The following COL22A1 variants were observed in gnomAD, a reference collection of about 807,000 sequenced individuals.
COL22A1 encodes collagen type XXII alpha 1 chain, also known as collagen alpha-1(XXII) chain.
A neutral mutation model predicts 248.9 loss-of-function variants in COL22A1; 221 were observed. The ratio of observed to expected loss-of-function variants is 0.89; its 90% CI spans 0.80 to 0.99. The LOEUF (loss-of-function observed/expected upper bound fraction) is 0.99, where lower values mean the gene tolerates loss of function less well. Among genes scored for constraint, COL22A1 ranks in the 50% least tolerant of loss-of-function variants. The pLI, the probability that COL22A1 is intolerant of heterozygous loss-of-function variation, is 0.00. For missense variants in COL22A1, 2,240 were observed against 2,179.0 expected (o/e 1.03, Z -0.56); for synonymous variants, 891 against 793.4 (o/e 1.12, Z -2.07).
rs766221888 is a variant in COL22A1, at chr8:138,821,181, G to T, written c.1200C>A (p.Gly400=). The change falls in exon 7 of 65, where the codon GGC becomes GGA. Residue 400 remains glycine (G), a synonymous_variant. Coordinates refer to ENST00000303045, the MANE Select transcript of COL22A1 (RefSeq NM_152888.3). ...AGAGGCGCTTGCCAATCACAGTCTT[G>T]CCCTGGATGTCAATGTTCTCCCGTT... ...IEERENIDIQ[G]KTVIGKRLYD... 7.4e-6 allele frequency: 12 copies of T among 1,614,150 alleles called. No homozygotes were observed. The Admixed American group carries it at 1.8e-4, about 25-fold the overall frequency.
intron 2 of COL22A1, among the ~76,000 whole-genome samples, chr8:138,882,583 C>T (rs199528380): frequency 7.2e-4 from 104 of 143,746 alleles, no homozygotes; most frequent in African/African-American, 2.1e-3. Flanking sequence ...CTCCCACACA[C>T]TGTCAAACTC....
intron 58 of COL22A1, among the ~76,000 whole-genome samples, chr8:138,605,685 C>G (rs1234449434): frequency 1.3e-5 from 2 of 152,128 alleles, no homozygotes; most frequent in African/African-American, 4.8e-5. Context: ...TTCATCAGGT[C>G]AGCAGTCCAG....
At chr8:138,824,818 C>T (rs1242239150) in intron 6 of COL22A1, among the ~76,000 whole-genome samples, 1 of 152,224 alleles carries the variant, frequency 6.6e-6, no homozygotes, top group Non-Finnish European at 1.5e-5. Flanking sequence ...ATCATTGGCA[C>T]TTCTGGTGAC....
chr8:138,634,589 C>T (rs1445391964), intron 49 of COL22A1, among the ~76,000 whole-genome samples: 1 of 152,140 alleles, frequency 6.6e-6, no homozygotes, highest in Non-Finnish European at 1.5e-5. Flanking sequence ...AGAACATTTG[C>T]TCAGGGGGCC....
intron 31 of COL22A1, among the ~76,000 whole-genome samples, chr8:138,701,041 T>G (rs563993564): frequency 6.7e-6 from 1 of 149,168 alleles, no homozygotes; most frequent in African/African-American, 2.5e-5. Context: ...TTTCTCCAGC[T>G]TCAAAGCTTT....
At chr8:138,829,497 G>A (rs773110459) in intron 5 of COL22A1, among the ~76,000 whole-genome samples, 6 of 131,018 alleles carry the variant, frequency 4.6e-5, no homozygotes, top group East Asian at 5.4e-4. Flanking sequence ...ACTGCCTCCC[G>A]GGCTCAACCA....
chr8:138,665,059 G>T (rs1824374995), intron 41 of COL22A1, among the ~76,000 whole-genome samples: 3 of 152,054 alleles, frequency 2.0e-5, no homozygotes, highest in Non-Finnish European at 2.9e-5. Flanking sequence ...TAGTGTCAGG[G>T]GTAACCTAAA....
At chr8:138,665,372 T>C (rs1369603621) in intron 41 of COL22A1, among the ~76,000 whole-genome samples, 3 of 152,132 alleles carry the variant, frequency 2.0e-5, no homozygotes, top group Admixed American at 6.5e-5. Flanking sequence ...GCTTTTTCTG[T>C]AAAGGGACAG....
At chr8:138,692,210 AGG>A (rs1827077479) in intron 35 of COL22A1, among the ~76,000 whole-genome samples, 31 of 104,846 alleles carry the variant, frequency 3.0e-4, no homozygotes, top group African/African-American at 9.7e-4. Flanking sequence ...ATGTTTGTGG[AGG>A]TGTATGTGTG....
chr8:138,653,187 G>A (rs1822918306), intron 45 of COL22A1, among the ~76,000 whole-genome samples: 1 of 152,106 alleles, frequency 6.6e-6, no homozygotes, highest in Non-Finnish European at 1.5e-5. Flanking sequence ...TCCCAGGAGA[G>A]GAAATGACCT....
intron 51 of COL22A1, 34 bp downstream of exon 51, chr8:138,626,155 GT>G: frequency 1.3e-6 from 2 of 1,535,178 alleles, no homozygotes; most frequent in Non-Finnish European, 1.8e-6. Flanking sequence ...AAACTAGTTT[GT>G]TTTTGTTTGT....
At chr8:138,653,476 A>T (rs761222432) in intron 45 of COL22A1, among the ~76,000 whole-genome samples, 5 of 152,190 alleles carry the variant, frequency 3.3e-5, no homozygotes, top group Admixed American at 1.3e-4. Flanking sequence ...TGTCTTGCCC[A>T]TCTATGCTTA....
intron 1 of COL22A1, among the ~76,000 whole-genome samples, chr8:138,899,856 A>G (rs1390199019): frequency 6.6e-6 from 1 of 152,208 alleles, no homozygotes; most frequent in African/African-American, 2.4e-5. Context: ...CTTACCTATC[A>G]TGATCCCTGA....
chr8:138,691,505 A>G (rs919337341), intron 35 of COL22A1, among the ~76,000 whole-genome samples: 20 of 68,040 alleles, frequency 2.9e-4, no homozygotes, highest in African/African-American at 1.0e-3. Flanking sequence ...GTGCACGTCC[A>G]TGTGTGCATA....
intron 1 of COL22A1, among the ~76,000 whole-genome samples, chr8:138,906,995 C>T (rs886708408): frequency 2.0e-5 from 3 of 152,160 alleles, no homozygotes; most frequent in African/African-American, 7.2e-5. Context: ...TCTTTTCTTC[C>T]AAGAAATGGC....
intron 57 of COL22A1, 148 bp downstream of exon 57, chr8:138,607,788 C>T: frequency 1.5e-6 from 1 of 652,620 alleles, no homozygotes; most frequent in South Asian, 2.3e-5. Flanking sequence ...CCTATGGAGC[C>T]TCTTACCTCC....
chr8:138,730,050 G>A (rs1830595973), intron 23 of COL22A1, among the ~76,000 whole-genome samples: 1 of 152,166 alleles, frequency 6.6e-6, no homozygotes. Context: ...TTCTACTTTG[G>A]CACTCCCCCA....
At chr8:138,842,223 G>A (rs1041711846) in intron 4 of COL22A1, among the ~76,000 whole-genome samples, 1 of 152,174 alleles carries the variant, frequency 6.6e-6, no homozygotes, top group Non-Finnish European at 1.5e-5. Context: ...AACATATAGA[G>A]GAGTGCATCT....
chr8:138,703,461 C>A, intron 30 of COL22A1, 114 bp from the exon 31 acceptor site: 2 of 957,976 alleles, frequency 2.1e-6, no homozygotes, highest in Non-Finnish European at 3.3e-6. Context: ...TTGTCTTCTG[C>A]AGGGTGCAGG....
Sources: gnomAD v4.1 joint callset for allele counts (sites outside exome capture counted in the v4.1 genomes callset) on GRCh38, gnomAD v4.1.1 for gene constraint, MANE v1.5 for transcripts, NCBI Gene and HGNC (gene_info 2026-07-23, HGNC 2026-07-21) for gene names.